Variants in TMEM74B observed in about 807,000 individuals in gnomAD.
TMEM74B encodes transmembrane protein 74B, also known as transmembrane protein C20orf46.
TMEM74B carries 7 observed loss-of-function variants against 6.5 expected under a neutral mutation model. That is an observed-to-expected ratio of 1.07 (90% confidence interval 0.61 to 2.01). The LOEUF (loss-of-function observed/expected upper bound fraction) is 2.01, where lower values mean the gene tolerates loss of function less well. Among genes scored for constraint, TMEM74B ranks in the 30% most tolerant of loss-of-function variants. The pLI, the probability that TMEM74B is intolerant of heterozygous loss-of-function variation, is 0.00. For missense variants in TMEM74B, 342 were observed against 337.0 expected (o/e 1.01, Z -0.12); for synonymous variants, 151 against 151.6 (o/e 1.00, Z 0.03).
intron 2 of TMEM74B, among the ~76,000 whole-genome samples, chr20:1,183,457 C>G (rs1424458049): frequency 6.6e-6 from 1 of 152,154 alleles, no homozygotes; most frequent in African/African-American, 2.4e-5. Context: ...GGACTAGCAT[C>G]AGACACCTCC....
chr20:1,189,246 C>A (rs564663107), upstream of TMEM74B: 4 of 152,150 alleles, frequency 2.6e-5, no homozygotes, highest in Non-Finnish European at 5.9e-5. This position sits in a 1 kb window ranked among gnomAD's most constrained non-coding sequence, Gnocchi z 4.5. Context: ...GACTAGTTCT[C>A]CTCAAAGGTC....
upstream of TMEM74B, chr20:1,185,525 CG>C (rs1454046002): frequency 1.3e-5 from 2 of 151,142 alleles, no homozygotes; most frequent in Non-Finnish European, 3.0e-5. Context: ...GCTCCGCCCG[CG>C]GCCGGCGAGG....
At chr20:1,188,411 TAC>T (rs71327492), upstream of TMEM74B, among the ~76,000 whole-genome samples, 15 of 145,978 alleles carry the variant, frequency 1.0e-4, no homozygotes, top group Admixed American at 1.4e-4. Flanking sequence ...AAAGAAATGC[TAC>T]ACACACACAC....
At chr20:1,187,984 T>G (rs1287966075), upstream of TMEM74B, among the ~76,000 whole-genome samples, 1 of 152,140 alleles carries the variant, frequency 6.6e-6, no homozygotes, top group Non-Finnish European at 1.5e-5. Context: ...CAGATAAACA[T>G]ATGTCTGCTA....
At chr20:1,187,692 G>A (rs747226403), upstream of TMEM74B, among the ~76,000 whole-genome samples, 4 of 152,300 alleles carry the variant, frequency 2.6e-5, no homozygotes, top group East Asian at 3.9e-4. Flanking sequence ...CCAGCAGAGC[G>A]CCTAGCATAG....
upstream of TMEM74B, among the ~76,000 whole-genome samples, chr20:1,185,885 G>C (rs1300567891): frequency 2.0e-5 from 3 of 150,750 alleles, no homozygotes; most frequent in African/African-American, 7.3e-5. Context: ...CCTTAGGTCG[G>C]GACGGTCTCC....
intron 2 of TMEM74B, among the ~76,000 whole-genome samples, chr20:1,182,195 A>AG (rs56359649): frequency 3.7e-5 from 4 of 107,712 alleles, no homozygotes; most frequent in Admixed American, 1.2e-4. Context: ...GGGGTGGGGG[A>AG]GGGGGTAGAA....
At position 1,184,621 on chromosome 20, in the gene TMEM74B, T is replaced by TACACACACACAC. The variant is rs66669236; in HGVS notation, c.-479_-468dup. ...GTACCCCGTCACACGCACACGCGCG[T>TACACACACACAC]ACACACACACACACACACACACACA... On this transcript the variant is annotated 5_prime_UTR_variant, in exon 1 of 3. Transcript: ENST00000429036. The surrounding 1 kb of genome is among the most constrained non-coding windows in gnomAD (Gnocchi z 6.0). 4.8e-5 allele frequency: 7 copies of TACACACACACAC among 145,192 alleles called. No homozygotes were observed. Among genetic ancestry groups the TACACACACACAC allele is most frequent in the South Asian group, 4.5e-4 (2 of 4,416 alleles). The allele number at this position is 145,192 out of a possible 1,614,324, so 9.0% of individuals were successfully genotyped here.
upstream of TMEM74B, among the ~76,000 whole-genome samples, chr20:1,188,568 A>G (rs978492473): frequency 6.7e-6 from 1 of 150,144 alleles, no homozygotes; most frequent in Non-Finnish European, 1.5e-5. Flanking sequence ...TGCACCACAC[A>G]CACCACACGC....
In TMEM74B at chr20:1,180,777, C is replaced by G. The variant is rs1392183038; in HGVS notation, c.*71G>C. 6.6e-7 allele frequency: 1 copy of G among 1,511,346 alleles called. No homozygotes were observed. The highest frequency in any genetic ancestry group is 1.3e-5 in the South Asian group (1 of 74,684). 93.6% of individuals were successfully genotyped at this position (1,511,346 alleles called of 1,614,324 possible). A position where few individuals can be genotyped will look rare whatever the true frequency, so the allele number is the denominator to read the frequency against. The stretch of plus-strand genomic sequence containing the variant: ...AAAACCCCAGGGCCTTGGCAGGGGT[C>G]AGGTGGGCGGGAGCAGGGGGTGGAC... On this transcript the variant is annotated 3_prime_UTR_variant, in exon 3 of 3. Transcript: ENST00000429036. This position sits in a 1 kb window ranked among gnomAD's most constrained non-coding sequence, Gnocchi z 6.1.
rs187815642 is a variant in TMEM74B at position 1,181,151 on chromosome 20, C to T, written c.468G>A (p.Ala156=). ...ACATCTCCAGTCGTTCCATCTCCCG[C>T]GCTGTCACTGTGTCCGGATTGACTC... The part of the protein sequence containing the change: ...EARVNPDTVT[A]REMERLEMYY... The change falls in exon 3 of 3, where the codon GCG becomes GCA. Residue 156 remains alanine, a synonymous_variant. Transcript: ENST00000429036. This position sits in a 1 kb window ranked among gnomAD's most constrained non-coding sequence, Gnocchi z 4.9. 1.2e-4 allele frequency: 186 copies of T among 1,614,166 alleles called. 2 individuals carry two copies. The highest frequency in any genetic ancestry group is 8.7e-4 in the South Asian group (79 of 91,084).
At chr20:1,185,894 C>T (rs545787030), upstream of TMEM74B, among the ~76,000 whole-genome samples, 264 of 149,698 alleles carry the variant, frequency 1.8e-3, 1 homozygote, top group Non-Finnish European at 3.0e-3. Flanking sequence ...GGGACGGTCT[C>T]CTCGGGCGCT....
chr20:1,183,632 A>T (rs1346698474), intron 2 of TMEM74B, 139 bp downstream of exon 2: 6 of 979,064 alleles, frequency 6.1e-6, no homozygotes, highest in Non-Finnish European at 9.2e-6. Flanking sequence ...GGAGTATCTC[A>T]TATCACCCTC....
In TMEM74B at chr20:1,184,210, G is replaced by A. The variant is rs913487985; in HGVS notation, c.-148+92C>T. ...GAAATCTGGAGCTCCCAAATTCTGGGAGCAGAGCTCTCCTTCATGCTGCAG... is the reference window on the plus strand; with the variant it reads ...GAAATCTGGAGCTCCCAAATTCTGGAAGCAGAGCTCTCCTTCATGCTGCAG... On this transcript the variant is annotated intron_variant, in intron 1 of 2. Transcript: ENST00000429036. This position sits in a 1 kb window ranked among gnomAD's most constrained non-coding sequence, Gnocchi z 6.0. 17 of 160,818 alleles carry A rather than the reference G, an allele frequency of 1.1e-4. No homozygotes were observed. In the Admixed American group the frequency reaches 1.1e-3, roughly 10 times the overall value. The allele number at this position is 160,818 out of a possible 1,614,324, so 10.0% of individuals were successfully genotyped here.
At chr20:1,182,535 A>AAAACAGGTTGAGGATGGCG (rs1568495390) in intron 2 of TMEM74B, among the ~76,000 whole-genome samples, 11 of 151,242 alleles carry the variant, frequency 7.3e-5, no homozygotes, top group Non-Finnish European at 1.0e-4. Flanking sequence ...TGGGGATGGC[A>AAAACAGGTTGAGGATGGCG]TGGCTAAAAG....
At chr20:1,183,308 G>GTGTT (rs2086924585) in intron 2 of TMEM74B, among the ~76,000 whole-genome samples, 15 of 144,322 alleles carry the variant, frequency 1.0e-4, no homozygotes, top group Admixed American at 5.4e-4. Flanking sequence ...GTGTGTGTGT[G>GTGTT]TGTGTGTTTG....
chr20:1,183,553 A>C (rs1008789194), intron 2 of TMEM74B, among the ~76,000 whole-genome samples: 3 of 151,908 alleles, frequency 2.0e-5, no homozygotes, highest in Non-Finnish European at 1.5e-5. Context: ...CTCTTTCCAG[A>C]GTCTCAATTT....
upstream of TMEM74B, among the ~76,000 whole-genome samples, chr20:1,188,693 G>T (rs1455035714): frequency 6.6e-6 from 1 of 151,946 alleles, no homozygotes; most frequent in South Asian, 2.1e-4. Context: ...AATGGTGGGG[G>T]TAGGAGCTAA....
At chr20:1,187,241 G>A (rs1420059474), upstream of TMEM74B, among the ~76,000 whole-genome samples, 5 of 152,014 alleles carry the variant, frequency 3.3e-5, no homozygotes, top group African/African-American at 1.2e-4. Context: ...TTTCTCTATA[G>A]CACTTACCAA....
Sources: gnomAD v4.1 joint callset for allele counts (sites outside exome capture counted in the v4.1 genomes callset) on GRCh38, gnomAD v4.1.1 for gene constraint, Gnocchi (gnomAD v3.1) non-coding constraint, MANE v1.5 for transcripts, NCBI Gene and HGNC (gene_info 2026-07-23, HGNC 2026-07-21) for gene names.